Variants in TENM2 observed in about 807,000 individuals in gnomAD.
TENM2 encodes the protein teneurin transmembrane protein 2.
TENM2 carries 52 observed loss-of-function variants against 245.2 expected under a neutral mutation model. That is an observed-to-expected ratio of 0.21 (90% CI 0.17 to 0.27). The LOEUF (loss-of-function observed/expected upper bound fraction) is 0.27, where lower values mean the gene tolerates loss of function less well. Among genes scored for constraint, TENM2 ranks in the 10% least tolerant of loss-of-function variants. The pLI is 1.00. For missense variants in TENM2, 3,046 were observed against 3,666.8 expected (o/e 0.83, Z 4.37); for synonymous variants, 1,363 against 1,438.9 (o/e 0.95, Z 1.19).
chr5:167,046,010 C>T, the TENM2 span, among the ~76,000 whole-genome samples: 4 of 152,278 alleles, frequency 2.6e-5, no homozygotes, highest in African/African-American at 9.6e-5. Flanking sequence ...CTACATGAGG[C>T]TCCACTATGT....
At chr5:167,082,967 G>C in the TENM2 span, among the ~76,000 whole-genome samples, 1 of 151,868 alleles carries the variant, frequency 6.6e-6, no homozygotes, top group Admixed American at 6.6e-5. Context: ...CATTGGGAAG[G>C]CAATGCTGGA....
intron 12 of TENM2, 35 bp downstream of exon 14, chr5:168,127,001 TATAG>T: frequency 6.5e-7 from 1 of 1,537,620 alleles, no homozygotes; most frequent in Non-Finnish European, 8.8e-7. Context: ...ATTGTAGATC[TATAG>T]TGATGGTCGC....
chr5:167,567,507 C>G (rs190404235), intron 2 of TENM2, among the ~76,000 whole-genome samples: 1 of 152,152 alleles, frequency 6.6e-6, no homozygotes, highest in Non-Finnish European at 1.5e-5. Flanking sequence ...TGAGAACTCT[C>G]TCTCTGAGGA....
the TENM2 span, among the ~76,000 whole-genome samples, chr5:167,209,508 C>A: frequency 1.3e-5 from 2 of 152,102 alleles, no homozygotes; most frequent in Non-Finnish European, 2.9e-5. Context: ...AAGTGATCTG[C>A]CTCCCAAAGT....
chr5:167,653,076 A>G (rs1362852014), intron 2 of TENM2, among the ~76,000 whole-genome samples: 1 of 152,170 alleles, frequency 6.6e-6, no homozygotes, highest in East Asian at 1.9e-4. Flanking sequence ...GACCAACAGT[A>G]TACAACATCC....
the TENM2 span, among the ~76,000 whole-genome samples, chr5:167,122,776 C>A: frequency 1.3e-5 from 2 of 152,122 alleles, no homozygotes; most frequent in Non-Finnish European, 1.5e-5. Flanking sequence ...TTTCTAGAGG[C>A]AGCTTTCATC....
chr5:167,930,348 T>C (rs1778182272), intron 3 of TENM2, among the ~76,000 whole-genome samples: 2 of 152,228 alleles, frequency 1.3e-5, no homozygotes, highest in Admixed American at 6.5e-5. Flanking sequence ...AAGTTAGTGA[T>C]AATATATGAA....
At position 167,503,074 on chromosome 5, in the gene TENM2, G is replaced by A. The variant is rs374324278; in HGVS notation, c.502+127601G>A. On this transcript the variant is annotated intron_variant, in intron 2 of 28. Coordinates refer to ENST00000518659, the Ensembl canonical transcript of TENM2. The stretch of plus-strand genomic sequence containing the variant: ...ACTCTTGACCTCAGGTGATCCACCC[G>A]ACTCGGCCTCCTAAAGTGCTGGGAT... 6.6e-5 allele frequency among the ~76,000 whole-genome samples: 10 copies of A among 152,190 alleles called. No homozygotes were observed. In the East Asian group the frequency reaches 1.5e-3, roughly 24 times the overall value.
chr5:167,987,565 C>T (rs1490640806), intron 4 of TENM2, among the ~76,000 whole-genome samples: 2 of 152,156 alleles, frequency 1.3e-5, no homozygotes, highest in African/African-American at 4.8e-5. Context: ...AAATGATTCG[C>T]CTGCCTCGGC....
intron 5 of TENM2, among the ~76,000 whole-genome samples, chr5:168,022,740 T>G (rs2089663369): frequency 6.6e-6 from 1 of 152,258 alleles, no homozygotes; most frequent in Admixed American, 6.5e-5. Flanking sequence ...GTGTTTCTTT[T>G]TATTTCCCAT....
intron 3 of TENM2, among the ~76,000 whole-genome samples, chr5:167,907,519 C>T (rs949793795): frequency 1.1e-4 from 12 of 108,894 alleles, no homozygotes; most frequent in African/African-American, 3.5e-4. Context: ...GTTTAGATCA[C>T]CCTAAATATA....
intron 25 of TENM2, among the ~76,000 whole-genome samples, chr5:168,233,546 C>T (rs1765137512): frequency 6.6e-6 from 1 of 152,222 alleles, no homozygotes; most frequent in South Asian, 2.1e-4. Context: ...GCCCCTACAT[C>T]TGTCTGGAAT....
intron 1 of TENM2, among the ~76,000 whole-genome samples, chr5:167,353,220 G>A (rs1429865482): frequency 6.6e-6 from 1 of 151,650 alleles, no homozygotes; most frequent in Non-Finnish European, 1.5e-5. Context: ...TTTGTTATTT[G>A]AGGTCTTGGA....
chr5:167,918,509 C>T (rs970436200), intron 3 of TENM2, among the ~76,000 whole-genome samples: 1 of 152,152 alleles, frequency 6.6e-6, no homozygotes, highest in Non-Finnish European at 1.5e-5. Context: ...CAGCTGAGCC[C>T]GCAGTTTGAT....
intron 2 of TENM2, chr5:167,754,937 T>C (rs1470476316): frequency 9.3e-6 from 13 of 1,392,804 alleles, no homozygotes; most frequent in Non-Finnish European, 1.2e-5. Context: ...TTGCCTATTA[T>C]GCTTTTCCTT....
chr5:168,148,892 TAGA>T, intron 12 of TENM2, among the ~76,000 whole-genome samples: 1 of 134,384 alleles, frequency 7.4e-6, no homozygotes, highest in Admixed American at 7.8e-5. Flanking sequence ...GATAGATAGA[TAGA>T]TAGATAGATA....
chr5:167,667,544 C>T (rs1014674833), intron 2 of TENM2, among the ~76,000 whole-genome samples: 1 of 152,128 alleles, frequency 6.6e-6, no homozygotes, highest in Non-Finnish European at 1.5e-5. Flanking sequence ...ATCCTCTGGT[C>T]TAAGAGAGGG....
At chr5:167,184,141 C>T in the TENM2 span, among the ~76,000 whole-genome samples, 6 of 152,174 alleles carry the variant, frequency 3.9e-5, no homozygotes, top group Admixed American at 3.9e-4. Flanking sequence ...TTGTTGAAAA[C>T]ATACTCTTTG....
At chr5:167,516,368 CAGA>C (rs1156998278) in intron 2 of TENM2, among the ~76,000 whole-genome samples, 1 of 152,116 alleles carries the variant, frequency 6.6e-6, no homozygotes, top group Non-Finnish European at 1.5e-5. Context: ...TTAGGTTTCA[CAGA>C]AGGTTTCTAA....
Sources: allele counts gnomAD v4.1 joint callset (sites outside exome capture counted in the v4.1 genomes callset), GRCh38; gene constraint gnomAD v4.1.1; transcripts MANE v1.5; gene names NCBI Gene and HGNC (gene_info 2026-07-23, HGNC 2026-07-21).